Variants in CD274 observed in about 807,000 individuals in gnomAD.
The protein encoded by CD274 is CD274 molecule.
CD274 carries 8 observed loss-of-function variants against 30.1 expected under a neutral mutation model. That is an observed-to-expected ratio of 0.27 (90% CI 0.16 to 0.48). The LOEUF (loss-of-function observed/expected upper bound fraction) is 0.48, where lower values mean the gene tolerates loss of function less well. Among genes scored for constraint, CD274 ranks in the 20% least tolerant of loss-of-function variants. The pLI, the probability that CD274 is intolerant of heterozygous loss-of-function variation, is 0.99. For missense variants in CD274, 353 were observed against 346.6 expected, an observed-to-expected ratio of 1.02 and a Z score of -0.15; for synonymous variants, 152 against 124.6, an observed-to-expected ratio of 1.22 and a Z score of -1.46.
chr9:5,462,260 G>T (rs1439282435), intron 3 of CD274, among the ~76,000 whole-genome samples: 1 of 152,062 alleles, frequency 6.6e-6, no homozygotes. Flanking sequence ...TCAAAATCAG[G>T]TTTTCTGTTT....
intron 1 of CD274, among the ~76,000 whole-genome samples, chr9:5,454,630 T>C (rs764948530): frequency 7.1e-4 from 49 of 69,098 alleles, no homozygotes; most frequent in Non-Finnish European, 1.2e-3. Context: ...TATACAGACA[T>C]ATATATATAT....
At chr9:5,451,296 A>C (rs1819198444) in intron 1 of CD274, among the ~76,000 whole-genome samples, 1 of 152,168 alleles carries the variant, frequency 6.6e-6, no homozygotes, top group African/African-American at 2.4e-5. Context: ...CCTTCTAAAA[A>C]ATGTTTTCAT....
intron 3 of CD274, among the ~76,000 whole-genome samples, chr9:5,461,397 T>A (rs149515329): frequency 2.6e-3 from 403 of 152,298 alleles, no homozygotes; most frequent in African/African-American, 9.0e-3. Flanking sequence ...AACCTACACA[T>A]AAGAACTATT....
chr9:5,466,775 A>G lies in CD274; in HGVS notation c.796A>G (p.Met266Val), dbSNP rs1487811405. ...AATGATTTCTTTTTCTCAAGGGAGA[A>G]TGATGGATGTGAAAAAATGTGGCAT... ...TFIFRLRKGR[M>V]MDVKKCGIQD... Residue 266 changes from methionine to valine, a missense_variant, in exon 6 of 7, where the codon ATG becomes GTG. Transcript: ENST00000381577. The G allele has an allele frequency of 1.9e-6, 3 of 1,610,608 alleles. No individual in the cohort carries two copies. The highest frequency in any genetic ancestry group is 1.3e-5 in the African/African-American group (1 of 74,496).
In CD274 at chr9:5,457,353, A is replaced by G. The variant is rs1281692214; in HGVS notation, c.327A>G (p.Ala109=). ...TCACAGATGTGAAATTGCAGGATGCAGGGGTGTACCGCTGCATGATCAGCT... is the reference window on the plus strand; with the variant it reads ...TCACAGATGTGAAATTGCAGGATGCGGGGGTGTACCGCTGCATGATCAGCT... ...LQITDVKLQD[A]GVYRCMISYG... Residue 109 remains alanine (A), a synonymous_variant, in exon 3 of 7, where the codon GCA becomes GCG. Transcript: ENST00000381577. 1.2e-6 allele frequency: 2 copies of G among 1,614,160 alleles called. No individual in the cohort carries two copies. The highest frequency in any genetic ancestry group is 1.7e-5 in the Admixed American group (1 of 59,980).
At chr9:5,459,762 C>T (rs907531989) in intron 3 of CD274, among the ~76,000 whole-genome samples, 4 of 152,016 alleles carry the variant, frequency 2.6e-5, no homozygotes, top group Admixed American at 1.3e-4. Context: ...GCAGGGAAAA[C>T]GAAATGTTCA....
At chr9:5,463,506 C>T (rs945687477) in intron 4 of CD274, among the ~76,000 whole-genome samples, 2 of 152,224 alleles carry the variant, frequency 1.3e-5, no homozygotes, top group South Asian at 4.1e-4. Flanking sequence ...GAGAGGAATA[C>T]TCAATTCAGG....
At position 5,468,688 on chromosome 9, in the gene CD274, G is replaced by A. The variant is rs565795807; in HGVS notation, c.*826G>A. 7.7e-5 allele frequency: 18 copies of A among 232,708 alleles called. No homozygotes were observed. Among genetic ancestry groups the A allele is most frequent in the Middle Eastern group, 1.3e-3 (1 of 784 alleles). 14.4% of individuals were successfully genotyped at this position (232,708 alleles called of 1,614,324 possible). On this transcript the variant is annotated 3_prime_UTR_variant, in exon 7 of 7. Coordinates refer to ENST00000381577, the MANE Select transcript of CD274 (RefSeq NM_014143.4). Reference sequence around the variant, plus strand: ...CCTACACACATAATCTCATTTCATCGCTGTAACCACCCTGTTGTGATAACC... The same window carrying A: ...CCTACACACATAATCTCATTTCATCACTGTAACCACCCTGTTGTGATAACC...
At chr9:5,460,688 C>G (rs1356170884) in intron 3 of CD274, among the ~76,000 whole-genome samples, 2 of 152,154 alleles carry the variant, frequency 1.3e-5, no homozygotes, top group African/African-American at 2.4e-5. Context: ...ATTTGTACCT[C>G]TGGTGTACGT....
chr9:5,456,912 T>C (rs1346951261), intron 2 of CD274, among the ~76,000 whole-genome samples, 167 bp from the exon 3 acceptor site: 3 of 152,204 alleles, frequency 2.0e-5, no homozygotes, highest in Non-Finnish European at 4.4e-5. Flanking sequence ...AGATATAGTG[T>C]CCCAAAACAT....
intron 1 of CD274, among the ~76,000 whole-genome samples, chr9:5,451,088 A>T (rs867412602): frequency 2.6e-5 from 4 of 152,346 alleles, no homozygotes; most frequent in Middle Eastern, 6.8e-3. Context: ...AACCCAAAGG[A>T]GTCCTAAAAG....
At position 5,453,729 on chromosome 9, in the gene CD274, A is replaced by T. The variant is rs969423135; in HGVS notation, c.-14-2371A>T. Among the ~76,000 whole-genome samples the T allele has an allele frequency of 2.6e-5, 4 of 152,242 alleles. No homozygotes were observed. The East Asian group carries it at 7.7e-4, about 29-fold the overall frequency. On this transcript the variant is annotated intron_variant, in intron 1 of 6. Transcript: ENST00000381577. ...AAAAGATTACAGGGAAAAAAATTGA[A>T]AGATATACACTGAAATGTTTTTTGC...
At chr9:5,461,585 G>T (rs576453769) in intron 3 of CD274, among the ~76,000 whole-genome samples, 23 of 152,008 alleles carry the variant, frequency 1.5e-4, no homozygotes, top group African/African-American at 5.5e-4. Flanking sequence ...GCTGTCCTTG[G>T]TAAAGGAATG....
rs994312106 is a variant in CD274, at chr9:5,468,573, T to C, written c.*711T>C. Reference sequence around the variant, plus strand: ...ATGTCACCTTTATTTAACCCATTAATACTCTGGTTGACCTAATCTTATTCT... The same window carrying C: ...ATGTCACCTTTATTTAACCCATTAACACTCTGGTTGACCTAATCTTATTCT... On this transcript the variant is annotated 3_prime_UTR_variant, in exon 7 of 7. Coordinates refer to ENST00000381577, the MANE Select transcript of CD274 (RefSeq NM_014143.4). 4 of 232,958 alleles carry C rather than the reference T, an allele frequency of 1.7e-5. No homozygotes were observed. Among genetic ancestry groups the C allele is most frequent in the African/African-American group, 8.8e-5 (4 of 45,342 alleles). 14.4% of individuals were successfully genotyped at this position (232,958 alleles called of 1,614,324 possible).
chr9:5,465,873 G>A (rs976388643), intron 5 of CD274: 2 of 243,932 alleles, frequency 8.2e-6, no homozygotes, highest in African/African-American at 4.5e-5. Context: ...CAGACTTACA[G>A]AAGAGAAAGA....
Position 5,470,446 on chromosome 9 carries a change from C to A in CD274, c.*2584C>A. 4.4e-6 allele frequency: 1 copy of A among 227,350 alleles called. No homozygotes were observed. Among genetic ancestry groups the A allele is most frequent in the Non-Finnish European group, 8.7e-6 (1 of 114,462 alleles). The allele number at this position is 227,350 out of a possible 1,614,324, so 14.1% of individuals were successfully genotyped here. On this transcript the variant is annotated 3_prime_UTR_variant, in exon 7 of 7. Transcript: ENST00000381577. ...CTGCATTTGATTGTCACTTTTTGTA[C>A]CTGCATTAATTTAATAAAATATTCT...
At chr9:5,466,292 T>G (rs926673641) in intron 5 of CD274, among the ~76,000 whole-genome samples, 12 of 152,130 alleles carry the variant, frequency 7.9e-5, no homozygotes, top group African/African-American at 2.9e-4. Flanking sequence ...GGGAAAGTAG[T>G]GTTAACTGAG....
chr9:5,454,724 T>C (rs137882872), intron 1 of CD274, among the ~76,000 whole-genome samples: 2 of 152,242 alleles, frequency 1.3e-5, no homozygotes, highest in African/African-American at 4.8e-5. Context: ...TTTACGATTG[T>C]AATAGGAAGT....
chr9:5,450,742 T>C (rs1049623005), intron 1 of CD274, 146 bp downstream of exon 1: 2 of 152,438 alleles, frequency 1.3e-5, no homozygotes, highest in African/African-American at 4.8e-5. Flanking sequence ...TAGGGGGCAG[T>C]AGAGCCAATT....
Sources: gnomAD v4.1 joint callset for allele counts (sites outside exome capture counted in the v4.1 genomes callset) on GRCh38, gnomAD v4.1.1 for gene constraint, MANE v1.5 for transcripts, NCBI Gene and HGNC (gene_info 2026-07-23, HGNC 2026-07-21) for gene names.